The following OLFM1 variants were observed in gnomAD, a reference collection of about 807,000 sequenced individuals.
The protein encoded by OLFM1 is olfactomedin 1.
Under a neutral mutation model 49.7 loss-of-function variants are expected in OLFM1, and 9 were observed. The ratio of observed to expected loss-of-function variants is 0.18; its 90% CI spans 0.11 to 0.32. The LOEUF (loss-of-function observed/expected upper bound fraction) is 0.32, where lower values mean the gene tolerates loss of function less well. OLFM1 is among the 10% of genes least tolerant of loss of function. The pLI, the probability that OLFM1 is intolerant of heterozygous loss-of-function variation, is 1.00. For missense variants in OLFM1, 369 were observed against 661.8 expected (o/e 0.56, Z 4.85); for synonymous variants, 240 against 271.8 (o/e 0.88, Z 1.15).
At chr9:135,112,252 G>T (rs973425925) in intron 5 of OLFM1, among the ~76,000 whole-genome samples, 1 of 152,174 alleles carries the variant, frequency 6.6e-6, no homozygotes, top group South Asian at 2.1e-4. Context: ...GGGGCCACCC[G>T]CCCTGTGGGG....
At position 135,120,487 on chromosome 9, in the gene OLFM1, A is replaced by G. The variant is rs1040613071; in HGVS notation, c.*309A>G. On this transcript the variant is annotated 3_prime_UTR_variant, in exon 6 of 6. Transcript: ENST00000371793. ...AGAGGCGAGGCAATGACTGTTGGCC[A>G]GTTCTCACCGGGGAAAAACCCACTG... 2.7e-6 allele frequency: 1 copy of G among 372,224 alleles called. No individual in the cohort carries two copies. Among genetic ancestry groups the G allele is most frequent in the South Asian group, 4.0e-5 (1 of 25,088 alleles). 23.1% of individuals were successfully genotyped at this position (372,224 alleles called of 1,614,324 possible). A position where few individuals can be genotyped will look rare whatever the true frequency, so the allele number is the denominator to read the frequency against.
intron 5 of OLFM1, among the ~76,000 whole-genome samples, chr9:135,110,965 G>T (rs1302029088): frequency 6.6e-6 from 1 of 152,226 alleles, no homozygotes; most frequent in Non-Finnish European, 1.5e-5. Context: ...TGCATCAGAG[G>T]CATTTGGGAC....
upstream of OLFM1, among the ~76,000 whole-genome samples, chr9:135,082,864 AG>A (rs1450989546): frequency 1.3e-5 from 2 of 152,212 alleles, no homozygotes; most frequent in Admixed American, 6.5e-5. Flanking sequence ...CAGGCTCCAC[AG>A]GGCAGGCCCC....
intron 4 of OLFM1, among the ~76,000 whole-genome samples, chr9:135,100,541 G>A (rs779617083): frequency 2.6e-5 from 4 of 152,202 alleles, no homozygotes; most frequent in Non-Finnish European, 5.9e-5. Flanking sequence ...ACACGTAGGC[G>A]GAGCTGCTGA....
chr9:135,076,906 G>C (rs1830473667), intron 1 of OLFM1: 1 of 1,550,514 alleles, frequency 6.4e-7, no homozygotes, highest in Non-Finnish European at 8.7e-7. Flanking sequence ...CCCTTGTTTT[G>C]CCTGGAAGCC....
At chr9:135,118,645 GCTCACTGGGTCTTTGGAGTA>G (rs1831134756) in intron 5 of OLFM1, among the ~76,000 whole-genome samples, 4 of 148,462 alleles carry the variant, frequency 2.7e-5, no homozygotes, top group African/African-American at 1.0e-4. Context: ...TCTTTGGAAT[GCTCACTGGGTCTTTGGAGTA>G]CTCACTGGCT....
At chr9:135,114,328 C>G (rs1831066360) in intron 5 of OLFM1, among the ~76,000 whole-genome samples, 1 of 151,776 alleles carries the variant, frequency 6.6e-6, no homozygotes, top group Non-Finnish European at 1.5e-5. Context: ...ACTGTGTTGG[C>G]CAGGTCTCGA....
intron 5 of OLFM1, among the ~76,000 whole-genome samples, chr9:135,109,672 C>T (rs568063406): frequency 6.6e-6 from 1 of 152,188 alleles, no homozygotes; most frequent in South Asian, 2.1e-4. Context: ...TTCCAATCTC[C>T]CATTCAGTTT....
chr9:135,079,014 C>T (rs1830501261), intron 1 of OLFM1, among the ~76,000 whole-genome samples: 1 of 152,190 alleles, frequency 6.6e-6, no homozygotes, highest in Non-Finnish European at 1.5e-5. Context: ...TTGGCTCACT[C>T]ATCCTCTCCT....
upstream of OLFM1, among the ~76,000 whole-genome samples, chr9:135,083,100 C>T (rs148410353): frequency 1.2e-4 from 18 of 152,298 alleles, no homozygotes; most frequent in African/African-American, 2.6e-4. Context: ...CCACAGAAAC[C>T]GGGCTGCCTT....
intron 4 of OLFM1, among the ~76,000 whole-genome samples, chr9:135,102,643 C>T (rs375505428): frequency 5.5e-4 from 83 of 152,240 alleles, no homozygotes; most frequent in African/African-American, 1.7e-3. Flanking sequence ...CGAGGCCTGG[C>T]GGGGATGCAG....
At position 135,080,841 on chromosome 9, in the gene OLFM1, G is replaced by A. The variant is rs1212897525; in HGVS notation, c.96+5039G>A. Among the ~76,000 whole-genome samples, 3 of 152,040 alleles carry A rather than the reference G, an allele frequency of 2.0e-5. No homozygotes were observed. Among genetic ancestry groups the A allele is most frequent in the Non-Finnish European group, 4.4e-5 (3 of 68,014 alleles). On this transcript the variant is annotated intron_variant, in intron 1 of 5. Coordinates refer to the OLFM1 transcript ENST00000252854. This position sits in a 1 kb window ranked among gnomAD's most constrained non-coding sequence, Gnocchi z 4.5. ...TTCGTCCTGGACACCCTGCACGCTC[G>A]GAAACCTCAGCGCTGTCCCGACTGG...
intron 5 of OLFM1, among the ~76,000 whole-genome samples, chr9:135,108,640 A>C (rs1830979252): frequency 6.6e-6 from 1 of 151,962 alleles, no homozygotes; most frequent in Admixed American, 6.6e-5. Context: ...CTCAAAAAAA[A>C]AAAAACAAAA....
intron 5 of OLFM1, among the ~76,000 whole-genome samples, chr9:135,114,481 G>A (rs1021262837): frequency 6.6e-6 from 1 of 152,072 alleles, no homozygotes; most frequent in Admixed American, 6.5e-5. Flanking sequence ...GTCCCAGGAT[G>A]TGGACCTATC....
intron 5 of OLFM1, 147 bp from the exon 6 acceptor site, chr9:135,119,357 T>G (rs1466492571): frequency 1.7e-6 from 1 of 600,644 alleles, no homozygotes; most frequent in Non-Finnish European, 2.8e-6. Flanking sequence ...TGGAGTGCTT[T>G]CTGGGTCTTT....
At position 135,098,173 on chromosome 9, in the gene OLFM1, T is replaced by A; in HGVS notation, c.457-113T>A. The A allele has an allele frequency of 6.8e-7, 1 of 1,464,620 alleles. No individual in the cohort carries two copies. Among genetic ancestry groups the A allele is most frequent in the Non-Finnish European group, 9.0e-7 (1 of 1,105,198 alleles). The allele number at this position is 1,464,620 out of a possible 1,614,324, so 90.7% of individuals were successfully genotyped here. ...ATTTGGACCAGAACAAATAAGCCTG[T>A]AAATAAAGCGGGAATATACACACTT... is the stretch of plus-strand genomic sequence containing the variant. On this transcript the variant is annotated intron_variant, in intron 3 of 5. Transcript: ENST00000371793. This position sits in a 1 kb window ranked among gnomAD's most constrained non-coding sequence, Gnocchi z 5.6.
intron 5 of OLFM1, among the ~76,000 whole-genome samples, chr9:135,111,059 G>A (rs1440019880): frequency 6.6e-6 from 1 of 152,154 alleles, no homozygotes; most frequent in African/African-American, 2.4e-5. Context: ...AAAGTAATCG[G>A]GACAGTTAGG....
Position 135,088,966 on chromosome 9 carries a change from G to C in OLFM1, c.150+827G>C, listed in dbSNP as rs1169086002. On this transcript the variant is annotated intron_variant, in intron 1 of 5. Coordinates refer to ENST00000371793, the MANE Select transcript of OLFM1 (RefSeq NM_001282611.2). This position sits in a 1 kb window ranked among gnomAD's most constrained non-coding sequence, Gnocchi z 4.8. ...CGAGGCTGAGCTGAAACCGCCACCC[G>C]GAGGGCCGCGCGGGGAAGGGGCCGC... 1.3e-5 allele frequency among the ~76,000 whole-genome samples: 2 copies of C among 152,222 alleles called. No homozygotes were observed. Among genetic ancestry groups the C allele is most frequent in the Non-Finnish European group, 2.9e-5 (2 of 68,036 alleles).
At chr9:135,087,548 G>A, upstream of OLFM1, 1 of 1,228,310 alleles carries the variant, frequency 8.1e-7, no homozygotes, top group Admixed American at 3.6e-5. Flanking sequence ...GCAGCCAGGG[G>A]GCGGCGGGGA....
Sources: gnomAD v4.1 joint callset for allele counts (sites outside exome capture counted in the v4.1 genomes callset) on GRCh38, gnomAD v4.1.1 for gene constraint, Gnocchi (gnomAD v3.1) non-coding constraint, MANE v1.5 for transcripts, NCBI Gene and HGNC (gene_info 2026-07-23, HGNC 2026-07-21) for gene names.